SLIT3: variants seen among roughly 807,000 people sequenced by gnomAD.
SLIT3 encodes slit guidance ligand 3, also known as slit homolog 3 protein.
Under a neutral mutation model 184.0 loss-of-function variants are expected in SLIT3, and 68 were observed. The ratio of observed to expected loss-of-function variants is 0.37; its 90% confidence interval spans 0.30 to 0.45. The LOEUF is 0.45. SLIT3 is among the 20% of genes least tolerant of loss of function. The probability of loss-of-function intolerance (pLI) is 1.00; values close to 1 mark genes in which losing one functional copy is unlikely to be tolerated. For synonymous variants in SLIT3, 831 were observed against 828.6 expected (o/e 1.00, Z -0.05); for missense variants, 1,707 against 2,026.0 (o/e 0.84, Z 3.02).
At chr5:168,796,304 T>G (rs979912577) in intron 9 of SLIT3, among the ~76,000 whole-genome samples, 17 of 152,226 alleles carry the variant, frequency 1.1e-4, no homozygotes. Flanking sequence ...GGCCCAGAAC[T>G]TCCTTGGAAG....
At chr5:169,125,290 C>T (rs1019778712) in intron 4 of SLIT3, among the ~76,000 whole-genome samples, 7 of 152,196 alleles carry the variant, frequency 4.6e-5, no homozygotes, top group African/African-American at 1.4e-4. Context: ...TGGTGATCCA[C>T]CTGCCTTGGC....
At chr5:169,282,063 G>T (rs888781) in intron 1 of SLIT3, among the ~76,000 whole-genome samples, 2 of 152,074 alleles carry the variant, frequency 1.3e-5, no homozygotes, top group African/African-American at 2.4e-5. Flanking sequence ...CCTGAGCTAC[G>T]TGGAAGTTTC....
intron 32 of SLIT3, among the ~76,000 whole-genome samples, chr5:168,683,521 T>C (rs1419982979): frequency 6.6e-6 from 1 of 152,136 alleles, no homozygotes; most frequent in African/African-American, 2.4e-5. Flanking sequence ...TTCAGGATGG[T>C]TTGAAAGTCA....
chr5:169,249,162 T>C (rs977053458), intron 2 of SLIT3, among the ~76,000 whole-genome samples: 1 of 152,230 alleles, frequency 6.6e-6, no homozygotes, highest in Admixed American at 6.5e-5. Flanking sequence ...CTGGATATTT[T>C]ATTGGTGTTA....
At chr5:168,860,664 A>C (rs1389292727) in intron 5 of SLIT3, among the ~76,000 whole-genome samples, 1 of 152,106 alleles carries the variant, frequency 6.6e-6, no homozygotes, top group Admixed American at 6.5e-5. Context: ...CCTAACCACC[A>C]GCTGTATCTA....
At chr5:169,211,791 C>T (rs549441756) in intron 3 of SLIT3, among the ~76,000 whole-genome samples, 12 of 152,272 alleles carry the variant, frequency 7.9e-5, no homozygotes, top group South Asian at 2.1e-4. Context: ...CCTCCCCTAG[C>T]CCCCCGTCCC....
At chr5:169,257,359 A>G (rs910577019) in intron 1 of SLIT3, among the ~76,000 whole-genome samples, 4 of 132,066 alleles carry the variant, frequency 3.0e-5, no homozygotes, top group African/African-American at 1.1e-4. Flanking sequence ...TTGGATCCCC[A>G]CAGCCCCCCA....
intron 4 of SLIT3, among the ~76,000 whole-genome samples, chr5:168,884,713 C>G (rs776004163): frequency 9.3e-5 from 14 of 151,286 alleles, no homozygotes; most frequent in Non-Finnish European, 1.9e-4. Context: ...TGTATATCGT[C>G]CAATTGTATG....
chr5:168,724,387 A>G (rs1763038860), intron 21 of SLIT3, 29 bp downstream of exon 21: 2 of 1,592,958 alleles, frequency 1.3e-6, no homozygotes, highest in Non-Finnish European at 1.7e-6. Context: ...GGGAAAAATA[A>G]ACATCCCACC....
chr5:168,672,421 G>A (rs533178196), intron 33 of SLIT3, among the ~76,000 whole-genome samples: 2 of 152,302 alleles, frequency 1.3e-5, no homozygotes, highest in South Asian at 2.1e-4. Context: ...AGAACTATCA[G>A]TGCAGGGGCT....
At chr5:168,694,975 G>A (rs976417941) in intron 28 of SLIT3, among the ~76,000 whole-genome samples, 1 of 152,198 alleles carries the variant, frequency 6.6e-6, no homozygotes, top group Non-Finnish European at 1.5e-5. Flanking sequence ...GGGGTCCTAG[G>A]AAGCCCAGGA....
At chr5:169,214,337 G>T (rs1413648677) in intron 3 of SLIT3, among the ~76,000 whole-genome samples, 1 of 152,216 alleles carries the variant, frequency 6.6e-6, no homozygotes, top group African/African-American at 2.4e-5. Context: ...AGAAAGCACT[G>T]TGTGAGGCAG....
chr5:169,247,853 A>G (rs1262520560), intron 2 of SLIT3, among the ~76,000 whole-genome samples: 1 of 152,058 alleles, frequency 6.6e-6, no homozygotes, highest in Non-Finnish European at 1.5e-5. Flanking sequence ...TGAACTCCTG[A>G]GCTCAAGCAA....
chr5:168,868,267 A>C (rs1561977307), intron 5 of SLIT3, among the ~76,000 whole-genome samples: 1 of 152,162 alleles, frequency 6.6e-6, no homozygotes, highest in Non-Finnish European at 1.5e-5. Flanking sequence ...TCTACTGAAT[A>C]AGTCCTTTCC....
At position 169,122,492 on chromosome 5, in the gene SLIT3, T is replaced by C. The variant is rs117917788; in HGVS notation, c.413+70987A>G. On this transcript the variant is annotated intron_variant, in intron 4 of 35. Transcript: ENST00000519560. ...TTGAGGCAAGAACCCTGGGAGCCAT[T>C]TGGTTCCATCACTTTTTGTTTACCA... Among the ~76,000 whole-genome samples, 109 of 152,288 alleles carry C rather than the reference T, an allele frequency of 7.2e-4. 1 individual carries two copies. In the East Asian group the frequency reaches 0.017, roughly 24 times the overall value.
chr5:168,844,730 C>A (rs1758396462), intron 5 of SLIT3, 75 bp from the exon 6 acceptor site: 6 of 1,393,806 alleles, frequency 4.3e-6, no homozygotes, highest in Non-Finnish European at 6.1e-6. Flanking sequence ...GCCACCCGAG[C>A]GCCTGTCCCT....
In SLIT3 at chr5:169,015,984, A is replaced by C. The variant is rs1370093263; in HGVS notation, c.414-132648T>G. Among the ~76,000 whole-genome samples, 90 of 76,898 alleles carry C rather than the reference A, an allele frequency of 1.2e-3. 1 individual carries two copies. In the East Asian group the frequency reaches 0.023, roughly 20 times the overall value. 50.4% of individuals were successfully genotyped at this position (76,898 alleles called of 152,430 possible). On this transcript the variant is annotated intron_variant, in intron 4 of 35. Coordinates refer to ENST00000519560, the MANE Select transcript of SLIT3 (RefSeq NM_003062.4). The stretch of plus-strand genomic sequence containing the variant: ...CACACACACACACACACACACACAC[A>C]CAACTTTCTGTCTGCCCCCTTGCTC...
chr5:168,903,601 C>CG (rs1015515001), intron 4 of SLIT3, among the ~76,000 whole-genome samples: 5 of 152,094 alleles, frequency 3.3e-5, no homozygotes, highest in African/African-American at 1.2e-4. Context: ...GAGTGAAGGA[C>CG]GGGGGCAGCA....
At chr5:169,138,360 C>T (rs757648662) in intron 4 of SLIT3, among the ~76,000 whole-genome samples, 1 of 152,160 alleles carries the variant, frequency 6.6e-6, no homozygotes, top group Admixed American at 6.5e-5. Context: ...TGGTGCCATT[C>T]GCATGGGTCC....
Sources: allele counts gnomAD v4.1 joint callset (sites outside exome capture counted in the v4.1 genomes callset), GRCh38; gene constraint gnomAD v4.1.1; transcripts MANE v1.5; gene names NCBI Gene and HGNC (gene_info 2026-07-23, HGNC 2026-07-21).